Variants in CA10 observed in about 807,000 individuals in gnomAD.
CA10 encodes carbonic anhydrase 10 (inactive).
In CA10, 14 loss-of-function variants were observed where a neutral mutation model predicts 44.2. That is an observed-to-expected ratio of 0.32 (90% CI 0.21 to 0.50). The LOEUF is 0.50. CA10 is among the 20% of genes least tolerant of loss of function. CA10 has a pLI of 0.99. For synonymous variants in CA10, 159 were observed against 141.6 expected (o/e 1.12, Z -0.87); for missense variants, 350 against 409.7 (o/e 0.85, Z 1.26).
chr17:52,092,120 TTGTC>T (rs907949064), intron 1 of CA10, among the ~76,000 whole-genome samples: 2 of 152,168 alleles, frequency 1.3e-5, no homozygotes, highest in Non-Finnish European at 2.9e-5. Context: ...ACTCTCTCCT[TTGTC>T]TGTTTCTCCC....
chr17:52,152,685 C>T (rs972482218), intron 1 of CA10, among the ~76,000 whole-genome samples: 1 of 152,078 alleles, frequency 6.6e-6, no homozygotes, highest in Non-Finnish European at 1.5e-5. Flanking sequence ...TCATTCTAAA[C>T]TATGTGTATG....
At chr17:51,727,472 G>T (rs1203313664) in intron 4 of CA10, among the ~76,000 whole-genome samples, 1 of 151,976 alleles carries the variant, frequency 6.6e-6, no homozygotes, top group African/African-American at 2.4e-5. Context: ...TATGAACAGA[G>T]ATGGCTCCAT....
intron 1 of CA10, among the ~76,000 whole-genome samples, chr17:52,123,371 G>GGGGT (rs1555568608): frequency 1.2e-4 from 18 of 146,342 alleles, no homozygotes; most frequent in South Asian, 2.2e-4. Context: ...ATATATATGG[G>GGGGT]GTGTGTGTGT....
At position 51,862,083 on chromosome 17, in the gene CA10, C is replaced by T. The variant is rs369968654; in HGVS notation, c.279+68907G>A. On this transcript the variant is annotated intron_variant, in intron 3 of 8. Coordinates refer to ENST00000451037, the MANE Select transcript of CA10 (RefSeq NM_020178.5). ...TACAACAGCCACCCTCTTGCTAATG[C>T]CATTAATGTTTGCCTTAATTTTCTC... Among the ~76,000 whole-genome samples the T allele has an allele frequency of 3.4e-4, 52 of 152,264 alleles. 3 individuals carry two copies. The highest frequency in any genetic ancestry group is 1.2e-3 in the African/African-American group (48 of 41,548).
At chr17:51,821,000 C>A in intron 3 of CA10, among the ~76,000 whole-genome samples, 1 of 148,004 alleles carries the variant, frequency 6.8e-6, no homozygotes. Context: ...CTTCAAAGAT[C>A]CATGCTCCCT....
chr17:51,959,338 A>G (rs1001977313), intron 2 of CA10, among the ~76,000 whole-genome samples: 1 of 131,576 alleles, frequency 7.6e-6, no homozygotes, highest in Non-Finnish European at 1.6e-5. Context: ...ATCGTCATTA[A>G]TTTTCTCTTT....
intron 3 of CA10, among the ~76,000 whole-genome samples, chr17:51,858,541 T>A (rs554674707): frequency 3.3e-4 from 50 of 152,292 alleles, no homozygotes; most frequent in Middle Eastern, 6.8e-3. Flanking sequence ...ATATAAAAGT[T>A]GTTTACAAGG....
At chr17:51,893,464 A>G (rs1454216782) in intron 3 of CA10, among the ~76,000 whole-genome samples, 1 of 152,202 alleles carries the variant, frequency 6.6e-6, no homozygotes, top group Non-Finnish European at 1.5e-5. Flanking sequence ...TACAGTGTTC[A>G]GTGTTTATGG....
chr17:51,790,677 G>T lies in CA10; in HGVS notation c.280-42859C>A, dbSNP rs535061572. On this transcript the variant is annotated intron_variant, in intron 3 of 8. Transcript: ENST00000451037. ...ATAAAAAATATATTGGTGGCCTTAAGTGTGTGTCCAGATAAACTTAGTCTC... is the reference window on the plus strand; with the variant it reads ...ATAAAAAATATATTGGTGGCCTTAATTGTGTGTCCAGATAAACTTAGTCTC... Among the ~76,000 whole-genome samples the T allele has an allele frequency of 2.0e-5, 3 of 152,324 alleles. No individual in the cohort carries two copies. In the East Asian group the frequency reaches 5.8e-4, roughly 29 times the overall value.
At chr17:51,744,984 T>C (rs1904624463) in intron 4 of CA10, among the ~76,000 whole-genome samples, 1 of 152,174 alleles carries the variant, frequency 6.6e-6, no homozygotes, top group South Asian at 2.1e-4. Context: ...GATGACTGCA[T>C]CTACCCAGGG....
At chr17:51,850,196 G>C (rs1009686434) in intron 3 of CA10, among the ~76,000 whole-genome samples, 14 of 152,206 alleles carry the variant, frequency 9.2e-5, no homozygotes, top group African/African-American at 3.4e-4. Context: ...CAGGTGCCTG[G>C]AAAAGCATTT....
intron 5 of CA10, among the ~76,000 whole-genome samples, chr17:51,651,011 G>A (rs1913542076): frequency 6.6e-6 from 1 of 152,148 alleles, no homozygotes; most frequent in Non-Finnish European, 1.5e-5. Context: ...GCAAGGGTGG[G>A]GGATTTGTGG....
intron 3 of CA10, among the ~76,000 whole-genome samples, chr17:51,795,192 C>A (rs975812516): frequency 1.3e-5 from 2 of 152,206 alleles, no homozygotes; most frequent in East Asian, 3.9e-4. Flanking sequence ...TTTCTTAGAT[C>A]TCATTTCTAA....
At chr17:51,636,775 T>TTGTGTGTGTGTGTG (rs57428535) in intron 6 of CA10, among the ~76,000 whole-genome samples, 166 of 146,618 alleles carry the variant, frequency 1.1e-3, no homozygotes, top group African/African-American at 3.8e-3. Flanking sequence ...ACTGATTATT[T>TTGTGTGTGTGTGTG]TGTGTGTGTG....
intron 3 of CA10, among the ~76,000 whole-genome samples, chr17:51,793,322 T>G (rs997588782): frequency 6.6e-6 from 1 of 152,184 alleles, no homozygotes; most frequent in Non-Finnish European, 1.5e-5. Flanking sequence ...AATAATATGT[T>G]ATGGAAACCA....
chr17:51,908,105 C>A (rs2651637), intron 3 of CA10, among the ~76,000 whole-genome samples: 1 of 151,804 alleles, frequency 6.6e-6, no homozygotes, highest in African/African-American at 2.4e-5. Context: ...GTTCTCTGAC[C>A]CACAAACACT....
chr17:51,988,125 G>A (rs1984909941), intron 2 of CA10, among the ~76,000 whole-genome samples: 1 of 152,014 alleles, frequency 6.6e-6, no homozygotes, highest in Non-Finnish European at 1.5e-5. Context: ...TGCACTACCT[G>A]TGAAGTTGTA....
intron 2 of CA10, among the ~76,000 whole-genome samples, chr17:52,018,873 G>A (rs922501118): frequency 5.6e-5 from 4 of 71,440 alleles, no homozygotes; most frequent in Non-Finnish European, 1.5e-4. Flanking sequence ...TTTGGGTCAC[G>A]GGGGTAGATC....
At chr17:51,680,207 A>G (rs1253910681) in intron 4 of CA10, among the ~76,000 whole-genome samples, 4 of 152,236 alleles carry the variant, frequency 2.6e-5, no homozygotes, top group Admixed American at 6.5e-5. Context: ...GAGGAAGAGT[A>G]TATGAGTAGC....
Sources: gnomAD v4.1 joint callset for allele counts (sites outside exome capture counted in the v4.1 genomes callset) on GRCh38, gnomAD v4.1.1 for gene constraint, MANE v1.5 for transcripts, NCBI Gene and HGNC (gene_info 2026-07-23, HGNC 2026-07-21) for gene names.